Variants in SP110 observed in about 807,000 individuals in gnomAD.
The protein encoded by SP110 is interferon-induced protein 41, 30kD.
A neutral mutation model predicts 92.7 loss-of-function variants in SP110; 62 were observed. The ratio of observed to expected loss-of-function variants is 0.67; its 90% confidence interval spans 0.55 to 0.83. SP110 has a LOEUF of 0.83. Ranked by LOEUF, SP110 falls within the 40% of genes least tolerant of loss-of-function variation. The probability of loss-of-function intolerance (pLI) is 0.00; values close to 1 mark genes in which losing one functional copy is unlikely to be tolerated. For synonymous variants in SP110, 273 were observed against 305.3 expected (o/e 0.89, Z 1.10); for missense variants, 793 against 863.9 (o/e 0.92, Z 1.03).
intron 12 of SP110, among the ~76,000 whole-genome samples, chr2:230,178,670 C>G (rs576243190): frequency 6.6e-6 from 1 of 152,242 alleles, no homozygotes; most frequent in African/African-American, 2.4e-5. Context: ...TAAATGAAGA[C>G]TTGGGTGAGT....
intron 3 of SP110, among the ~76,000 whole-genome samples, chr2:230,214,626 CCAGA>C (rs1391827515): frequency 6.6e-6 from 1 of 152,230 alleles, no homozygotes; most frequent in African/African-American, 2.4e-5. Context: ...TGTCCTTCCA[CCAGA>C]CCTGATCTTT....
At chr2:230,171,909 G>A in intron 16 of SP110, 142 bp from the exon 17 acceptor site, 1 of 853,772 alleles carries the variant, frequency 1.2e-6, no homozygotes, top group Non-Finnish European at 2.0e-6. Flanking sequence ...CAGGGTGTGT[G>A]GGATTTTGTT....
intron 7 of SP110, among the ~76,000 whole-genome samples, chr2:230,209,052 A>AACAAC (rs2044181680): frequency 2.0e-5 from 3 of 152,212 alleles, no homozygotes; most frequent in African/African-American, 7.2e-5. Flanking sequence ...TAAGCACAGA[A>AACAAC]AAATATATTT....
intron 16 of SP110, 79 bp downstream of exon 16, chr2:230,171,979 TTTGGTACA>T (rs2078454565): frequency 1.1e-6 from 1 of 903,416 alleles, no homozygotes; most frequent in African/African-American, 1.6e-5. Context: ...GAAGGCTCCC[TTTGGTACA>T]TTGCCCTGAC....
rs938717874 is a variant in SP110 at position 230,171,714 on chromosome 2, A to G, written c.1869T>C (p.Phe623=). Residue 623 remains phenylalanine (F), a synonymous_variant, in exon 17 of 19, where the codon TTT becomes TTC. Transcript: ENST00000258381. ...GACTTACATTAAATGGGATGCCCGT[A>G]AAAAAGGAGCTTTGTGGATGACAGT... ...KAYCHPQSSF[F]TGIPFNIRDY... The G allele has an allele frequency of 9.3e-6, 15 of 1,612,620 alleles. No homozygotes were observed. The highest frequency in any genetic ancestry group is 1.3e-5 in the Non-Finnish European group (15 of 1,178,702).
intron 10 of SP110, among the ~76,000 whole-genome samples, chr2:230,192,064 G>A (rs2042657347): frequency 6.6e-6 from 1 of 152,022 alleles, no homozygotes; most frequent in Admixed American, 6.6e-5. Context: ...TGCAGAAAAG[G>A]CCTTTGATAA....
intron 14 of SP110, chr2:230,176,630 G>A (rs200486719): frequency 6.2e-7 from 1 of 1,613,980 alleles, no homozygotes; most frequent in Non-Finnish European, 8.5e-7. Context: ...GACAGGGAAA[G>A]TCTGCAACAT....
intron 14 of SP110, chr2:230,177,303 C>G: frequency 1.8e-6 from 1 of 559,112 alleles, no homozygotes; most frequent in Non-Finnish European, 3.2e-6. Context: ...CCTCAAAGCC[C>G]TTTGCCGGCA....
chr2:230,188,525 T>C (rs1318615920), intron 10 of SP110, among the ~76,000 whole-genome samples: 1 of 152,208 alleles, frequency 6.6e-6, no homozygotes, highest in Non-Finnish European at 1.5e-5. Context: ...AGTACTATGT[T>C]GAATAGAAGT....
At chr2:230,199,038 G>A (rs959880894) in intron 10 of SP110, among the ~76,000 whole-genome samples, 10 of 151,904 alleles carry the variant, frequency 6.6e-5, no homozygotes, top group Admixed American at 1.3e-4. Context: ...GCCACATGCT[G>A]AGGATGATGG....
chr2:230,202,286 C>T (rs2043259234), intron 9 of SP110, among the ~76,000 whole-genome samples: 1 of 152,140 alleles, frequency 6.6e-6, no homozygotes. Context: ...AACAGAAGCT[C>T]CTTAGGGTCC....
Position 230,168,124 on chromosome 2 carries a change from A to G in SP110, c.*1000T>C, listed in dbSNP as rs888141179. The G allele has an allele frequency of 3.3e-5, 5 of 150,616 alleles. No individual in the cohort carries two copies. The highest frequency in any genetic ancestry group is 7.4e-5 in the African/African-American group (3 of 40,578). 9.3% of individuals were successfully genotyped at this position (150,616 alleles called of 1,614,324 possible). Reference sequence around the variant, plus strand: ...ACTCTGTCTCAAAAAAAAAAAAAAAAAAAAAAAAAGAAAAAGTGGGCAACT... The same window carrying G: ...ACTCTGTCTCAAAAAAAAAAAAAAAGAAAAAAAAAGAAAAAGTGGGCAACT... On this transcript the variant is annotated 3_prime_UTR_variant, in exon 19 of 19. Transcript: ENST00000258381.
intron 2 of SP110, among the ~76,000 whole-genome samples, chr2:230,215,983 A>G (rs1156694866): frequency 6.6e-6 from 1 of 152,182 alleles, no homozygotes; most frequent in Admixed American, 6.5e-5. Flanking sequence ...GACTAAGACT[A>G]AGGGAAGATT....
intron 10 of SP110, among the ~76,000 whole-genome samples, chr2:230,195,351 T>G (rs1012311950): frequency 3.3e-5 from 5 of 152,152 alleles, no homozygotes; most frequent in East Asian, 1.9e-4. Flanking sequence ...AAAAGTTTTT[T>G]GGGGACAGAG....
chr2:230,224,523 G>A (rs1429213220), upstream of SP110, among the ~76,000 whole-genome samples: 1 of 151,696 alleles, frequency 6.6e-6, no homozygotes, highest in Non-Finnish European at 1.5e-5. Context: ...GACAGAGAGA[G>A]AGAGAGAGAG....
At chr2:230,197,131 A>G (rs1426254353) in intron 10 of SP110, among the ~76,000 whole-genome samples, 3 of 152,188 alleles carry the variant, frequency 2.0e-5, no homozygotes, top group African/African-American at 7.2e-5. Flanking sequence ...GATTTCCACA[A>G]TGGTTGAACT....
At chr2:230,174,832 C>T (rs1220001660) in intron 14 of SP110, among the ~76,000 whole-genome samples, 1 of 152,264 alleles carries the variant, frequency 6.6e-6, no homozygotes, top group East Asian at 1.9e-4. Context: ...GCAGCAGTGA[C>T]ACTGGATGAT....
rs1474040043 is a variant in SP110 at position 230,172,099 on chromosome 2, G to A, written c.1782C>T (p.Thr594=). The A allele has an allele frequency of 3.7e-6, 6 of 1,612,462 alleles. No individual in the cohort carries two copies. The highest frequency in any genetic ancestry group is 5.1e-6 in the Non-Finnish European group (6 of 1,178,552). The change falls in exon 16 of 19, where the codon ACC becomes ACT. Residue 594 remains threonine, a synonymous_variant. Transcript: ENST00000258381. ...GSQQCHHVSK[T]LERQMQPQDQ... Reference sequence around the variant, plus strand: ...CCTGAGGCTGCATCTGCCTCTCCAGGGTCTTAGATACATGATGGCACTGTT... The same window carrying A: ...CCTGAGGCTGCATCTGCCTCTCCAGAGTCTTAGATACATGATGGCACTGTT...
At chr2:230,196,717 A>G (rs1357655327) in intron 10 of SP110, among the ~76,000 whole-genome samples, 1 of 119,086 alleles carries the variant, frequency 8.4e-6, no homozygotes, top group Non-Finnish European at 1.7e-5. Flanking sequence ...AACAGTCCCC[A>G]GAGTGTGATG....
Sources: allele counts gnomAD v4.1 joint callset (sites outside exome capture counted in the v4.1 genomes callset), GRCh38; gene constraint gnomAD v4.1.1; transcripts MANE v1.5; gene names NCBI Gene and HGNC (gene_info 2026-07-23, HGNC 2026-07-21).